The following NDUFS4 variants were observed in gnomAD, a reference collection of about 807,000 sequenced individuals.
The protein encoded by NDUFS4 is NADH dehydrogenase [ubiquinone] iron-sulfur protein 4, mitochondrial.
In NDUFS4, 28 loss-of-function variants were observed where a neutral mutation model predicts 24.3. The ratio of observed to expected loss-of-function variants is 1.15; its 90% confidence interval spans 0.85 to 1.58. The LOEUF (loss-of-function observed/expected upper bound fraction) is 1.58, where lower values mean the gene tolerates loss of function less well. NDUFS4 is among the 40% of genes most tolerant of loss of function. The probability of loss-of-function intolerance (pLI) is 0.00; values close to 1 mark genes in which losing one functional copy is unlikely to be tolerated. For synonymous variants in NDUFS4, 93 were observed against 69.7 expected (o/e 1.34, Z -1.67); for missense variants, 223 against 207.9 (o/e 1.07, Z -0.45).
intron 3 of NDUFS4, among the ~76,000 whole-genome samples, chr5:53,653,502 C>T (rs897992630): frequency 1.3e-5 from 2 of 152,074 alleles, no homozygotes; most frequent in Non-Finnish European, 2.9e-5. Context: ...AGAATTCTGT[C>T]TACTTTTCAT....
At chr5:53,677,172 T>C (rs185346593) in intron 4 of NDUFS4, among the ~76,000 whole-genome samples, 10 of 152,274 alleles carry the variant, frequency 6.6e-5, no homozygotes, top group Admixed American at 6.5e-4. Context: ...TGGCAAATGC[T>C]GAATAGTTCC....
At chr5:53,571,759 C>T (rs1579820841) in intron 1 of NDUFS4, among the ~76,000 whole-genome samples, 1 of 152,138 alleles carries the variant, frequency 6.6e-6, no homozygotes, top group Admixed American at 6.5e-5. Flanking sequence ...CTGGTTTTGA[C>T]TTGTACTTCT....
At chr5:53,615,757 A>G (rs1750819469) in intron 2 of NDUFS4, among the ~76,000 whole-genome samples, 2 of 152,072 alleles carry the variant, frequency 1.3e-5, no homozygotes. Flanking sequence ...TTAAAATGTT[A>G]ATGCTTCCAA....
chr5:53,612,392 C>G (rs925834969), intron 2 of NDUFS4, among the ~76,000 whole-genome samples: 1 of 152,000 alleles, frequency 6.6e-6, no homozygotes, highest in Non-Finnish European at 1.5e-5. Flanking sequence ...AAAAAGGAAA[C>G]TTTTTATTTA....
intron 4 of NDUFS4, among the ~76,000 whole-genome samples, chr5:53,659,864 T>A (rs562871219): frequency 6.6e-6 from 1 of 152,192 alleles, no homozygotes; most frequent in Non-Finnish European, 1.5e-5. Flanking sequence ...ACTACCTGTA[T>A]GACTTTATAC....
At chr5:53,678,195 A>G (rs1007050089) in intron 4 of NDUFS4, among the ~76,000 whole-genome samples, 48 of 152,254 alleles carry the variant, frequency 3.2e-4, no homozygotes, top group African/African-American at 1.1e-3. Context: ...ATAAACTGTC[A>G]TATTTCAGAA....
intron 3 of NDUFS4, among the ~76,000 whole-genome samples, chr5:53,653,388 T>C (rs1195386473): frequency 1.3e-5 from 2 of 152,180 alleles, no homozygotes; most frequent in Admixed American, 1.3e-4. Context: ...ACAGAAGCAT[T>C]GCCTGTATCA....
At chr5:53,622,424 C>T (rs1472642236) in intron 2 of NDUFS4, among the ~76,000 whole-genome samples, 3 of 152,158 alleles carry the variant, frequency 2.0e-5, no homozygotes, top group Admixed American at 6.5e-5. Context: ...TGTGGAAGGC[C>T]ACCTCCTTGA....
intron 1 of NDUFS4, among the ~76,000 whole-genome samples, chr5:53,577,071 T>A (rs1298796384): frequency 6.6e-6 from 1 of 152,024 alleles, no homozygotes; most frequent in African/African-American, 2.4e-5. Flanking sequence ...CCTAGGTGGT[T>A]TATTTGAGAG....
At chr5:53,634,473 T>C (rs1751494366) in intron 2 of NDUFS4, among the ~76,000 whole-genome samples, 1 of 152,264 alleles carries the variant, frequency 6.6e-6, no homozygotes. Context: ...TAACTCTTAA[T>C]GTATGCTATG....
chr5:53,563,451 C>T (rs1748921422), intron 1 of NDUFS4, among the ~76,000 whole-genome samples: 1 of 151,240 alleles, frequency 6.6e-6, no homozygotes, highest in Non-Finnish European at 1.5e-5. Flanking sequence ...ATGTGCTTCT[C>T]ATTTCCCTGT....
At chr5:53,665,362 G>A (rs1333479982) in intron 4 of NDUFS4, among the ~76,000 whole-genome samples, 1 of 152,192 alleles carries the variant, frequency 6.6e-6, no homozygotes, top group African/African-American at 2.4e-5. Flanking sequence ...CTGTCAGACA[G>A]GGACATTTAA....
intron 2 of NDUFS4, among the ~76,000 whole-genome samples, chr5:53,630,247 C>G (rs1402411351): frequency 6.6e-6 from 1 of 152,178 alleles, no homozygotes; most frequent in Non-Finnish European, 1.5e-5. Flanking sequence ...GCTGAGAGAT[C>G]TGCTGTTAGT....
intron 3 of NDUFS4, among the ~76,000 whole-genome samples, chr5:53,657,408 A>C (rs1349842155): frequency 6.6e-6 from 1 of 152,170 alleles, no homozygotes; most frequent in South Asian, 2.1e-4. Context: ...TGACCAGAAC[A>C]TTGGCAGCAG....
chr5:53,606,826 A>G (rs1750528097), intron 2 of NDUFS4, among the ~76,000 whole-genome samples: 1 of 152,212 alleles, frequency 6.6e-6, no homozygotes, highest in African/African-American at 2.4e-5. Context: ...GCAGGGACAA[A>G]TATGCAAACT....
intron 4 of NDUFS4, among the ~76,000 whole-genome samples, chr5:53,675,154 T>TTCC (rs1263060048): frequency 6.9e-6 from 1 of 144,538 alleles, no homozygotes; most frequent in Non-Finnish European, 1.5e-5. Flanking sequence ...CAGAACAGAG[T>TTCC]TCCTTTTTTT....
chr5:53,646,133 CA>C (rs1561383636), intron 2 of NDUFS4, 99 bp from the exon 3 acceptor site: 6 of 1,002,822 alleles, frequency 6.0e-6, no homozygotes. Context: ...AATTTATGAA[CA>C]AATCTGAATA....
chr5:53,570,384 C>T (rs1369114422), intron 1 of NDUFS4, among the ~76,000 whole-genome samples: 3 of 152,072 alleles, frequency 2.0e-5, no homozygotes, highest in Non-Finnish European at 2.9e-5. Context: ...AGTAGTATTC[C>T]GTTATGTGGA....
intron 2 of NDUFS4, among the ~76,000 whole-genome samples, chr5:53,608,768 CTTTT>C (rs1293800298): frequency 6.6e-6 from 1 of 152,134 alleles, no homozygotes; most frequent in Non-Finnish European, 1.5e-5. Context: ...CAACTTCTTT[CTTTT>C]TTGTTTTTGT....
Sources: gnomAD v4.1 joint callset for allele counts (sites outside exome capture counted in the v4.1 genomes callset) on GRCh38, gnomAD v4.1.1 for gene constraint, MANE v1.5 for transcripts, NCBI Gene and HGNC (gene_info 2026-07-23, HGNC 2026-07-21) for gene names.